Variants in LUC7L2 observed in about 807,000 individuals in gnomAD.
LUC7L2 encodes the protein putative RNA-binding protein Luc7-like 2.
LUC7L2 carries 25 observed loss-of-function variants against 52.8 expected under a neutral mutation model. The ratio of observed to expected loss-of-function variants is 0.47; its 90% CI spans 0.34 to 0.66. LUC7L2 has a LOEUF of 0.66. LUC7L2 is among the 30% of genes least tolerant of loss of function. LUC7L2 has a pLI of 0.01. For missense variants in LUC7L2, 328 were observed against 497.8 expected (o/e 0.66, Z 3.25); for synonymous variants, 144 against 160.9 (o/e 0.89, Z 0.80).
intron 1 of LUC7L2, among the ~76,000 whole-genome samples, chr7:139,364,694 C>T (rs911843545): frequency 1.3e-5 from 2 of 152,226 alleles, no homozygotes; most frequent in East Asian, 1.9e-4. Context: ...AGTACATAAC[C>T]GTGTAATCTG....
At chr7:139,364,620 C>T (rs1310752126) in intron 1 of LUC7L2, among the ~76,000 whole-genome samples, 1 of 152,298 alleles carries the variant, frequency 6.6e-6, no homozygotes, top group African/African-American at 2.4e-5. Context: ...AAAGGATACT[C>T]ATCCTCATAC....
At chr7:139,416,138 A>T (rs1356532171) in intron 8 of LUC7L2, 1 of 124,784 alleles carries the variant, frequency 8.0e-6, no homozygotes, top group African/African-American at 3.2e-5. Context: ...AAGCTGTGCA[A>T]CTATCACCAT....
chr7:139,394,771 G>T (rs1794588634), intron 2 of LUC7L2, among the ~76,000 whole-genome samples: 1 of 152,118 alleles, frequency 6.6e-6, no homozygotes, highest in South Asian at 2.1e-4. Context: ...AGTTAGTACT[G>T]AAATAACCGG....
chr7:139,371,612 C>A, intron 1 of LUC7L2: 1 of 998,318 alleles, frequency 1.0e-6, no homozygotes, highest in Non-Finnish European at 1.5e-6. Flanking sequence ...AAAATCATGT[C>A]AGATACTACC....
In LUC7L2 at chr7:139,407,823, ATAT is replaced by A. The variant is rs1242196755; in HGVS notation, c.687+475_687+477del. ...TCAGAAAGGACTTATGAAAAAATTT[ATAT>A]TTTTTTAAAAGGACAATCACTATTA... On this transcript the variant is annotated intron_variant, in intron 6 of 9. Transcript: ENST00000354926. Among the ~76,000 whole-genome samples the A allele has an allele frequency of 1.3e-4, 15 of 119,426 alleles. No individual in the cohort carries two copies. In the East Asian group the frequency reaches 3.1e-3, roughly 24 times the overall value. 78.3% of individuals were successfully genotyped at this position (119,426 alleles called of 152,430 possible).
At chr7:139,408,711 A>G (rs1047302809) in intron 6 of LUC7L2, among the ~76,000 whole-genome samples, 1 of 151,576 alleles carries the variant, frequency 6.6e-6, no homozygotes, top group Non-Finnish European at 1.5e-5. Flanking sequence ...GTGTGGTGGC[A>G]TGTGCCTGTA....
intron 1 of LUC7L2, among the ~76,000 whole-genome samples, chr7:139,353,626 C>G (rs569787519): frequency 6.6e-6 from 1 of 152,224 alleles, no homozygotes; most frequent in Non-Finnish European, 1.5e-5. Context: ...AACCCCATCT[C>G]TACTAAAAAT....
intron 2 of LUC7L2, among the ~76,000 whole-genome samples, chr7:139,380,287 A>C (rs1009059071): frequency 3.3e-5 from 5 of 152,106 alleles, no homozygotes; most frequent in Non-Finnish European, 2.9e-5. Flanking sequence ...TTATCTCAGA[A>C]AGTTACTATA....
At chr7:139,409,199 T>C (rs1405702779) in intron 6 of LUC7L2, among the ~76,000 whole-genome samples, 1 of 151,628 alleles carries the variant, frequency 6.6e-6, no homozygotes, top group African/African-American at 2.4e-5. Flanking sequence ...TCCAACACTT[T>C]GGGAGGCTGA....
chr7:139,417,777 A>G, intron 9 of LUC7L2, 48 bp downstream of exon 9: 1 of 1,575,426 alleles, frequency 6.3e-7, no homozygotes, highest in Non-Finnish European at 8.6e-7. Context: ...AATGTTTTAG[A>G]GTTGTTTATG....
At chr7:139,365,755 G>C (rs1477695716) in intron 1 of LUC7L2, among the ~76,000 whole-genome samples, 4 of 152,226 alleles carry the variant, frequency 2.6e-5, no homozygotes, top group African/African-American at 7.2e-5. Flanking sequence ...TAGAGTTCTT[G>C]AGGAAACAAG....
At chr7:139,354,957 A>G (rs1333924493), upstream of LUC7L2, among the ~76,000 whole-genome samples, 1 of 152,050 alleles carries the variant, frequency 6.6e-6, no homozygotes, top group Non-Finnish European at 1.5e-5. Context: ...CATGGGGCTC[A>G]AGAGAGCCTC....
In LUC7L2 at chr7:139,423,123, T is replaced by C. The variant is rs1051710184; in HGVS notation, c.*783T>C. The C allele has an allele frequency of 2.3e-5, 9 of 397,288 alleles. No individual in the cohort carries two copies. Among genetic ancestry groups the C allele is most frequent in the African/African-American group, 1.4e-4 (7 of 48,444 alleles). 24.6% of individuals were successfully genotyped at this position (397,288 alleles called of 1,614,324 possible). Reference sequence around the variant, plus strand: ...AGGCTACACCCTTATTGTAAAAAAATAATAATAATAAAATGAAAGAAACAA... The same window carrying C: ...AGGCTACACCCTTATTGTAAAAAAACAATAATAATAAAATGAAAGAAACAA... On this transcript the variant is annotated 3_prime_UTR_variant, in exon 10 of 10. Coordinates refer to ENST00000354926, the MANE Select transcript of LUC7L2 (RefSeq NM_016019.5).
intron 2 of LUC7L2, among the ~76,000 whole-genome samples, chr7:139,397,686 T>C (rs1351146011): frequency 6.6e-6 from 1 of 152,090 alleles, no homozygotes; most frequent in Admixed American, 6.5e-5. Context: ...TCTCATATTT[T>C]CCCCCAAAAA....
At chr7:139,383,667 C>T (rs1452813747) in intron 2 of LUC7L2, among the ~76,000 whole-genome samples, 17 of 151,328 alleles carry the variant, frequency 1.1e-4, no homozygotes, top group African/African-American at 2.2e-4. Flanking sequence ...CCGCCCACCT[C>T]GGCCTTCCAA....
rs193127600 is a variant in LUC7L2 at position 139,353,927 on chromosome 7, C to T, written c.-26+13410C>T. Among the ~76,000 whole-genome samples the T allele has an allele frequency of 4.6e-5, 7 of 152,160 alleles. No individual in the cohort carries two copies. The East Asian group carries it at 1.2e-3, about 25-fold the overall frequency. On this transcript the variant is annotated intron_variant, in intron 1 of 10. Transcript: ENST00000541170. ...CTTGGGAGTTCAAAACCAGCCTGGG[C>T]AACATGGCGAAACCCCGTCTCTACT...
intron 1 of LUC7L2, chr7:139,371,299 A>T (rs186631163): frequency 2.9e-6 from 2 of 680,882 alleles, no homozygotes; most frequent in East Asian, 5.4e-5. Flanking sequence ...GTGAAATAGG[A>T]TTCTGCATAC....
At chr7:139,376,646 A>G (rs901050532) in intron 2 of LUC7L2, among the ~76,000 whole-genome samples, 1 of 152,208 alleles carries the variant, frequency 6.6e-6, no homozygotes, top group African/African-American at 2.4e-5. Context: ...GTAAAGCTCA[A>G]TTTAGATTCT....
intron 2 of LUC7L2, 96 bp downstream of exon 2, chr7:139,376,252 TGA>T: frequency 2.4e-6 from 3 of 1,260,046 alleles, no homozygotes; most frequent in Non-Finnish European, 3.3e-6. Flanking sequence ...AATTGACTTG[TGA>T]GGGGAGATTT....
Sources: gnomAD v4.1 joint callset for allele counts (sites outside exome capture counted in the v4.1 genomes callset) on GRCh38, gnomAD v4.1.1 for gene constraint, MANE v1.5 for transcripts, NCBI Gene and HGNC (gene_info 2026-07-23, HGNC 2026-07-21) for gene names.